The following ZNF714 variants were observed in gnomAD, a reference collection of about 807,000 sequenced individuals.
ZNF714 encodes zinc finger protein 714.
A neutral mutation model predicts 46.2 loss-of-function variants in ZNF714; 32 were observed. That is an observed-to-expected ratio of 0.69 (90% confidence interval 0.52 to 0.93). ZNF714 has a LOEUF of 0.93. ZNF714 is among the 40% of genes least tolerant of loss of function. ZNF714 has a pLI of 0.00. For synonymous variants in ZNF714, 199 were observed against 213.1 expected (o/e 0.93, Z 0.58); for missense variants, 635 against 646.3 (o/e 0.98, Z 0.19).
intron 4 of ZNF714, among the ~76,000 whole-genome samples, chr19:21,105,976 C>T (rs546073471): frequency 2.9e-4 from 44 of 151,332 alleles, no homozygotes; most frequent in African/African-American, 8.7e-4. Context: ...ATAGGCCAGG[C>T]GCGGTGGCAT....
intron 2 of ZNF714, chr19:21,091,621 A>C (rs1331067139): frequency 2.0e-5 from 3 of 151,850 alleles, no homozygotes; most frequent in Non-Finnish European, 4.4e-5. Flanking sequence ...ACAAAGGATG[A>C]AGGATTTTAT....
In ZNF714 at chr19:21,120,365, G is replaced by C. The variant is rs1969685454; in HGVS notation, c.*2033G>C. 1 of 151,960 alleles carries C rather than the reference G, an allele frequency of 6.6e-6. No individual in the cohort carries two copies. 9.4% of individuals were successfully genotyped at this position (151,960 alleles called of 1,614,324 possible). A position where few individuals can be genotyped will look rare whatever the true frequency, so the allele number is the denominator to read the frequency against. ...CAAGAGATTCTTTTTTATTAGGTGG[G>C]CATTATTTGTGATCTTTTCTATTGA... On this transcript the variant is annotated 3_prime_UTR_variant, in exon 5 of 5. Coordinates refer to ENST00000456283, the MANE Select transcript of ZNF714 (RefSeq NM_182515.4).
At position 21,118,221 on chromosome 19, in the gene ZNF714, A is replaced by G. The variant is rs1969646795; in HGVS notation, c.1557A>G (p.Leu519=). The G allele has an allele frequency of 1.1e-5, 17 of 1,589,708 alleles. No homozygotes were observed. The highest frequency in any genetic ancestry group is 1.5e-5 in the Non-Finnish European group (17 of 1,165,664). ...HACNPNTLRG[L]GEQIARSGVQ... is the part of the protein sequence containing the mutation. ...GTAATCCCAACACTTTGAGAGGACTAGGTGAGCAGATCGCGAGGTCAGGAG... is the reference window on the plus strand; with the variant it reads ...GTAATCCCAACACTTTGAGAGGACTGGGTGAGCAGATCGCGAGGTCAGGAG... Residue 519 remains leucine (L), a synonymous_variant, in exon 5 of 5, where the codon CTA becomes CTG. Transcript: ENST00000456283.
chr19:21,108,132 T>A (rs73537721), intron 4 of ZNF714, among the ~76,000 whole-genome samples: 8,540 of 152,158 alleles, frequency 0.056, 786 homozygotes, highest in African/African-American at 0.19. Context: ...CTAGACAGGG[T>A]CTCACTGTGT....
chr19:21,082,643 A>G (rs2080559667), intron 1 of ZNF714, among the ~76,000 whole-genome samples: 5 of 152,022 alleles, frequency 3.3e-5, no homozygotes, highest in Admixed American at 3.3e-4. Flanking sequence ...TGCAGGGACC[A>G]CTGGAGGGTC....
At chr19:21,088,453 A>G (rs1317407140) in intron 2 of ZNF714, among the ~76,000 whole-genome samples, 1 of 152,284 alleles carries the variant, frequency 6.6e-6, no homozygotes, top group East Asian at 1.9e-4. Context: ...GGTAAATTGA[A>G]CAATTTTTAA....
chr19:21,117,335 C>T lies in ZNF714; in HGVS notation c.671C>T (p.Thr224Ile). The change falls in exon 5 of 5, where the codon ACT becomes ATT. Residue 224 changes from threonine to isoleucine, a missense_variant. Thr to Ile is a moderately conservative substitution (Grantham distance 89). Transcript: ENST00000456283. The stretch of plus-strand genomic sequence containing the variant: ...CTTACTACACATAAGATGATTCATA[C>T]TGGAGAGAAACCCTACAGATGTGAA... Reference protein sequence around the residue: ...STLTTHKMIHTGEKPYRCEEC... With the variant: ...STLTTHKMIHIGEKPYRCEEC... 1 of 1,612,230 alleles carries T rather than the reference C, an allele frequency of 6.2e-7. No homozygotes were observed. The highest frequency in any genetic ancestry group is 8.5e-7 in the Non-Finnish European group (1 of 1,178,714).
At chr19:21,100,038 T>C (rs1463295162) in intron 4 of ZNF714, among the ~76,000 whole-genome samples, 1 of 152,026 alleles carries the variant, frequency 6.6e-6, no homozygotes, top group Non-Finnish European at 1.5e-5. Flanking sequence ...GTATTTTTGG[T>C]AGAGACGGGG....
chr19:21,117,980 A>C lies in ZNF714; in HGVS notation c.1316A>C (p.Asn439Thr). 1 of 1,613,064 alleles carries C rather than the reference A, an allele frequency of 6.2e-7. No individual in the cohort carries two copies. Among genetic ancestry groups the C allele is most frequent in the East Asian group, 2.2e-5 (1 of 44,794 alleles). The change falls in exon 5 of 5, where the codon AAC becomes ACC. Residue 439 changes from asparagine (N) to threonine (T), a missense_variant. By Grantham distance (65) the Asn-to-Thr change is moderately conservative. Transcript: ENST00000456283. ...GGCAAAGCTTTTAACCGATCCTCAAACCTTACTACACATAAGAGAATTCAC... is the reference window on the plus strand; with the variant it reads ...GGCAAAGCTTTTAACCGATCCTCAACCCTTACTACACATAAGAGAATTCAC... The part of the protein sequence containing the change: ...ECGKAFNRSS[N>T]LTTHKRIHTG...
At chr19:21,110,387 T>G (rs963887361) in intron 4 of ZNF714, among the ~76,000 whole-genome samples, 3 of 152,232 alleles carry the variant, frequency 2.0e-5, no homozygotes, top group Non-Finnish European at 2.9e-5. Context: ...GCCACATAAA[T>G]GTCTTCTTTT....
In ZNF714 at chr19:21,114,185, T is replaced by A. The variant is rs1969530709; in HGVS notation, c.143-2622T>A. On this transcript the variant is annotated intron_variant, in intron 4 of 4. Coordinates refer to ENST00000456283, the MANE Select transcript of ZNF714 (RefSeq NM_182515.4). The stretch of plus-strand genomic sequence containing the variant: ...TGGGCTCGGTGGCTCACGCCTGTAA[T>A]CCCAGCACTTTGGGAGGCCAAGGTG... Among the ~76,000 whole-genome samples the A allele has an allele frequency of 1.3e-5, 2 of 152,054 alleles. 1 individual carries two copies. The highest frequency in any genetic ancestry group is 4.1e-4 in the South Asian group (2 of 4,824).
At chr19:21,085,355 A>G (rs1168351575) in intron 2 of ZNF714, among the ~76,000 whole-genome samples, 1 of 152,254 alleles carries the variant, frequency 6.6e-6, no homozygotes, top group Non-Finnish European at 1.5e-5. Context: ...GGTACCACCT[A>G]GAAGTGTTCC....
intron 4 of ZNF714, among the ~76,000 whole-genome samples, chr19:21,105,026 C>CTTT (rs34750232): frequency 2.4e-4 from 31 of 129,746 alleles, no homozygotes; most frequent in Admixed American, 3.4e-4. Context: ...TCATTTCTTT[C>CTTT]TTTTTTTTTT....
Position 21,119,441 on chromosome 19 carries a change from T to G in ZNF714, c.*1109T>G, listed in dbSNP as rs138023120. 3.9e-3 allele frequency: 639 copies of G among 162,658 alleles called. 5 individuals are homozygous for G. The highest frequency in any genetic ancestry group is 0.014 in the African/African-American group (587 of 41,582). The allele number at this position is 162,658 out of a possible 1,614,324, so 10.1% of individuals were successfully genotyped here. On this transcript the variant is annotated 3_prime_UTR_variant, in exon 5 of 5. Transcript: ENST00000456283. The stretch of plus-strand genomic sequence containing the variant: ...TATGAACTTTACAGTGAAGAATATT[T>G]ATTTTGAAGATGAATGTTACAAATA...
At chr19:21,110,184 A>G (rs1026055820) in intron 4 of ZNF714, among the ~76,000 whole-genome samples, 2 of 152,230 alleles carry the variant, frequency 1.3e-5, no homozygotes, top group Non-Finnish European at 2.9e-5. Flanking sequence ...TGGCTTTCAC[A>G]ATGGTTGAAC....
At chr19:21,092,906 C>CCTT (rs1968946920) in intron 2 of ZNF714, among the ~76,000 whole-genome samples, 1 of 101,706 alleles carries the variant, frequency 9.8e-6, no homozygotes, top group African/African-American at 3.8e-5. Flanking sequence ...ATAACTTAAA[C>CCTT]TTTTTTTTTT....
intron 2 of ZNF714, among the ~76,000 whole-genome samples, chr19:21,085,741 C>G (rs572248016): frequency 9.2e-5 from 14 of 152,032 alleles, no homozygotes; most frequent in Non-Finnish European, 2.1e-4. Flanking sequence ...CTGACAGAGC[C>G]CTGGAAAGCT....
chr19:21,084,575 C>A (rs373902141), intron 2 of ZNF714, among the ~76,000 whole-genome samples: 1 of 152,146 alleles, frequency 6.6e-6, no homozygotes, highest in African/African-American at 2.4e-5. Flanking sequence ...ATGAGTCACA[C>A]ACATCTGTTA....
Position 21,117,340 on chromosome 19 carries a change from G to A in ZNF714, c.676G>A (p.Glu226Lys), listed in dbSNP as rs199888679. The change falls in exon 5 of 5, where the codon GAG (glutamate) becomes AAG (lysine). Residue 226 changes from glutamate (E) to lysine (K), a missense_variant. Physicochemically the swap from Glu to Lys is moderately conservative, Grantham distance 56. Coordinates refer to ENST00000456283, the MANE Select transcript of ZNF714 (RefSeq NM_182515.4). Reference sequence around the variant, plus strand: ...TACACATAAGATGATTCATACTGGAGAGAAACCCTACAGATGTGAAGAATG... The same window carrying A: ...TACACATAAGATGATTCATACTGGAAAGAAACCCTACAGATGTGAAGAATG... ...LTTHKMIHTGEKPYRCEECGK... is the reference protein window; with the variant it reads ...LTTHKMIHTGKKPYRCEECGK... 3.5e-5 allele frequency: 56 copies of A among 1,612,254 alleles called. No homozygotes were observed. Among genetic ancestry groups the A allele is most frequent in the Non-Finnish European group, 4.2e-5 (50 of 1,178,728 alleles).
Sources: gnomAD v4.1 joint callset for allele counts (sites outside exome capture counted in the v4.1 genomes callset) on GRCh38, gnomAD v4.1.1 for gene constraint, MANE v1.5 for transcripts, NCBI Gene and HGNC (gene_info 2026-07-23, HGNC 2026-07-21) for gene names.